GABRG3: variants seen among roughly 807,000 people sequenced by gnomAD.
GABRG3 encodes the protein gamma-aminobutyric acid receptor subunit gamma-3.
Under a neutral mutation model 48.8 loss-of-function variants are expected in GABRG3, and 25 were observed. The ratio of observed to expected loss-of-function variants is 0.51; its 90% CI spans 0.37 to 0.72. The LOEUF is 0.72. GABRG3 is among the 30% of genes least tolerant of loss of function. The probability of loss-of-function intolerance (pLI) is 0.00; values close to 1 mark genes in which losing one functional copy is unlikely to be tolerated. For missense variants in GABRG3, 394 were observed against 577.9 expected (o/e 0.68, Z 3.26); for synonymous variants, 227 against 217.6 (o/e 1.04, Z -0.38).
At position 27,480,773 on chromosome 15, in the gene GABRG3, T is replaced by C; in HGVS notation, c.698T>C (p.Val233Ala). The change falls in exon 6 of 10, where the codon GTG (valine) becomes GCG (alanine). Residue 233 changes from valine (V) to alanine (A), a missense_variant. By Grantham distance (64) the Val-to-Ala change is moderately conservative. Coordinates refer to ENST00000615808, the MANE Select transcript of GABRG3 (RefSeq NM_033223.5). ...GGCCTCAGAAACACCACAGAAATCG[T>C]GACAACGTCTGCAGGTAGGAATTTA... is the stretch of plus-strand genomic sequence containing the variant. ...FMGLRNTTEIVTTSAGDYVVM... is the reference protein window; with the variant it reads ...FMGLRNTTEIATTSAGDYVVM... 1.2e-6 allele frequency: 2 copies of C among 1,613,718 alleles called. No homozygotes were observed. The highest frequency in any genetic ancestry group is 1.7e-6 in the Non-Finnish European group (2 of 1,179,792).
intron 3 of GABRG3, among the ~76,000 whole-genome samples, chr15:27,041,956 A>G (rs1302239825): frequency 6.6e-6 from 1 of 152,150 alleles, no homozygotes; most frequent in African/African-American, 2.4e-5. Context: ...AGATGAAGGA[A>G]GGGTGGCATC....
chr15:27,025,828 G>A (rs1325471177), intron 2 of GABRG3, among the ~76,000 whole-genome samples: 1 of 152,190 alleles, frequency 6.6e-6, no homozygotes, highest in East Asian at 1.9e-4. Flanking sequence ...AAAGGTTCAG[G>A]AGTCTTGTTC....
chr15:27,243,907 G>A (rs138101173), intron 3 of GABRG3, among the ~76,000 whole-genome samples: 32 of 152,112 alleles, frequency 2.1e-4, no homozygotes, highest in African/African-American at 7.5e-4. Flanking sequence ...TTGTTTATTT[G>A]TTTTGGCTTT....
intron 3 of GABRG3, among the ~76,000 whole-genome samples, chr15:27,307,717 G>A (rs1394861388): frequency 1.6e-5 from 2 of 122,052 alleles, no homozygotes; most frequent in Non-Finnish European, 1.7e-5. Context: ...AAACCTATAG[G>A]TTTATATATA....
At chr15:27,166,385 A>C (rs1347548912) in intron 3 of GABRG3, among the ~76,000 whole-genome samples, 1 of 152,174 alleles carries the variant, frequency 6.6e-6, no homozygotes, top group Non-Finnish European at 1.5e-5. Flanking sequence ...AAATGCCCTA[A>C]TGTGGACAAC....
At chr15:27,339,095 TAGGAGG>T (rs1300785289) in intron 5 of GABRG3, among the ~76,000 whole-genome samples, 2 of 152,116 alleles carry the variant, frequency 1.3e-5, no homozygotes, top group African/African-American at 4.8e-5. Context: ...AGACTCCAAC[TAGGAGG>T]GTCCTGTCTC....
intron 3 of GABRG3, among the ~76,000 whole-genome samples, chr15:27,286,449 G>A (rs916099417): frequency 1.3e-5 from 2 of 152,188 alleles, no homozygotes; most frequent in African/African-American, 4.8e-5. Flanking sequence ...GACTTCTTGA[G>A]ACTGTGACTT....
rs577398298 is a variant in GABRG3 at position 27,134,132 on chromosome 15, T to C, written c.270+107311T>C. ...TGTCCATAGGCATCAGAAAGAATGA[T>C]CTTACACTTCCTTCATTTTATTCTT... is the stretch of plus-strand genomic sequence containing the variant. On this transcript the variant is annotated intron_variant, in intron 3 of 9. Transcript: ENST00000615808. 2.6e-5 allele frequency among the ~76,000 whole-genome samples: 4 copies of C among 152,290 alleles called. No homozygotes were observed. In the South Asian group the frequency reaches 8.3e-4, roughly 32 times the overall value.
chr15:27,082,216 C>T (rs900740051), intron 3 of GABRG3, among the ~76,000 whole-genome samples: 1 of 152,180 alleles, frequency 6.6e-6, no homozygotes, highest in Admixed American at 6.5e-5. Context: ...CAACAAGTGT[C>T]AGGCACAAAA....
At chr15:26,980,931 G>C (rs1031656025) in intron 2 of GABRG3, among the ~76,000 whole-genome samples, 8 of 152,082 alleles carry the variant, frequency 5.3e-5, no homozygotes, top group African/African-American at 1.9e-4. Flanking sequence ...TGAGGGTGGA[G>C]GGTGGGAGGA....
intron 5 of GABRG3, among the ~76,000 whole-genome samples, chr15:27,380,827 G>T (rs1396419692): frequency 1.4e-5 from 2 of 147,644 alleles, no homozygotes; most frequent in Non-Finnish European, 3.0e-5. Context: ...GTGCAGTGGC[G>T]TAATCTCGGC....
At position 27,231,009 on chromosome 15, in the gene GABRG3, ATGTGTGTGTG is replaced by A. The variant is rs3068361; in HGVS notation, c.271-95769_271-95760del. ...GTTGAGCCAAGTTTAAAACAGTAAA[ATGTGTGTGTG>A]TGTGTGTGTGTGTGTGTGTGTGTGT... On this transcript the variant is annotated intron_variant, in intron 3 of 9. Transcript: ENST00000615808. Among the ~76,000 whole-genome samples, 114 of 143,506 alleles carry A rather than the reference ATGTGTGTGTG, an allele frequency of 7.9e-4. No individual in the cohort carries two copies. The East Asian group carries it at 0.012, about 15-fold the overall frequency. The allele number at this position is 143,506 out of a possible 152,430, so 94.1% of individuals were successfully genotyped here.
chr15:27,473,021 G>A (rs565679104), intron 5 of GABRG3, among the ~76,000 whole-genome samples: 16 of 152,166 alleles, frequency 1.1e-4, no homozygotes, highest in East Asian at 7.7e-4. Flanking sequence ...GATGGATTCC[G>A]TTAACTATCA....
At position 27,074,642 on chromosome 15, in the gene GABRG3, C is replaced by CT. The variant is rs879765295; in HGVS notation, c.270+47835dup. On this transcript the variant is annotated intron_variant, in intron 3 of 9. Transcript: ENST00000615808. ...GTGTGAATATATTCCATAGCATTTA[C>CT]TTTTTTTTTTTTTTACAAGATTGAA... Among the ~76,000 whole-genome samples, 1,200 of 143,236 alleles carry CT rather than the reference C, an allele frequency of 8.4e-3. 5 individuals carry two copies. Among genetic ancestry groups the CT allele is most frequent in the South Asian group, 0.036 (162 of 4,454 alleles). 94.0% of individuals were successfully genotyped at this position (143,236 alleles called of 152,430 possible). A position where few individuals can be genotyped will look rare whatever the true frequency, so the allele number is the denominator to read the frequency against.
intron 2 of GABRG3, among the ~76,000 whole-genome samples, chr15:27,000,450 T>C (rs1895423038): frequency 6.6e-6 from 1 of 152,186 alleles, no homozygotes; most frequent in Admixed American, 6.5e-5. Flanking sequence ...GCCTTGGTTC[T>C]GTATCTCCAC....
chr15:27,498,729 C>G (rs1890547730), intron 6 of GABRG3, among the ~76,000 whole-genome samples: 2 of 152,058 alleles, frequency 1.3e-5, no homozygotes, highest in South Asian at 4.1e-4. Flanking sequence ...TGGTCTCAAA[C>G]TCCTGACCTC....
At chr15:27,241,660 A>C (rs1211346183) in intron 3 of GABRG3, among the ~76,000 whole-genome samples, 2 of 152,214 alleles carry the variant, frequency 1.3e-5, no homozygotes, top group African/African-American at 4.8e-5. Context: ...TGCACTATTT[A>C]ATTTCTGACA....
rs79486115 is a variant in GABRG3, at chr15:27,480,739, G to C, written c.664G>C (p.Asp222His). 1 of 1,613,570 alleles carries C rather than the reference G, an allele frequency of 6.2e-7. No homozygotes were observed. The highest frequency in any genetic ancestry group is 8.5e-7 in the Non-Finnish European group (1 of 1,179,780). Residue 222 changes from aspartate to histidine, a missense_variant, in exon 6 of 10, where the codon GAC becomes CAC. Around this residue, in one of 3 missense-constraint regions of GABRG3, gnomAD observed 218 missense variants for 309.9 expected, o/e 0.70. Transcript: ENST00000615808. ...DQKSWRLYQF[D>H]FMGLRNTTEI... ...GAAATCATGGCGGCTTTATCAGTTT[G>C]ACTTCATGGGCCTCAGAAACACCAC...
At chr15:27,219,844 T>C (rs1314193255) in intron 3 of GABRG3, among the ~76,000 whole-genome samples, 1 of 152,238 alleles carries the variant, frequency 6.6e-6, no homozygotes, top group East Asian at 1.9e-4. Context: ...AGAAATGCAT[T>C]AATTAGATCA....
Sources: gnomAD v4.1 joint callset for allele counts (sites outside exome capture counted in the v4.1 genomes callset) on GRCh38, gnomAD v4.1.1 for gene constraint, gnomAD v4.1.1 regional missense constraint, MANE v1.5 for transcripts, NCBI Gene and HGNC (gene_info 2026-07-23, HGNC 2026-07-21) for gene names.